Variants in BPTF observed in about 807,000 individuals in gnomAD.
The protein encoded by BPTF is bromodomain PHD finger transcription factor, also known as nucleosome-remodeling factor subunit BPTF.
BPTF carries 18 observed loss-of-function variants against 292.5 expected under a neutral mutation model. The observed-to-expected ratio is 0.06, with a 90% CI of 0.04 to 0.09. BPTF has a LOEUF of 0.09. Among genes scored for constraint, BPTF ranks in the 10% least tolerant of loss-of-function variants. BPTF has a pLI of 1.00. For missense variants in BPTF, 2,726 were observed against 3,498.7 expected (o/e 0.78, Z 5.57); for synonymous variants, 1,225 against 1,251.9 (o/e 0.98, Z 0.45).
rs1555697115 is a variant in BPTF, at chr17:67,982,354, A to C, written c.*66A>C. On this transcript the variant is annotated 3_prime_UTR_variant, in exon 28 of 28. Transcript: ENST00000306378. ...TGGTTGTCTGAACTATTTTAAATTAAGGAGCCAGATGTTTTTAGTCAGGCT... is the reference window on the plus strand; with the variant it reads ...TGGTTGTCTGAACTATTTTAAATTACGGAGCCAGATGTTTTTAGTCAGGCT... The C allele has an allele frequency of 6.8e-7, 1 of 1,462,524 alleles. No homozygotes were observed. The highest frequency in any genetic ancestry group is 1.2e-5 in the South Asian group (1 of 85,914). The allele number at this position is 1,462,524 out of a possible 1,614,324, so 90.6% of individuals were successfully genotyped here.
chr17:67,937,107 A>G (rs1037223050), intron 18 of BPTF, among the ~76,000 whole-genome samples: 3 of 152,180 alleles, frequency 2.0e-5, no homozygotes, highest in Non-Finnish European at 4.4e-5. Flanking sequence ...TTATACATAT[A>G]TTTAAATATA....
rs776598623 is a variant in BPTF, at chr17:67,912,338, C to T, written c.4454C>T (p.Ser1485Leu). ...FNERNSSETKSHLLSSSDAEG... is the reference protein window; with the variant it reads ...FNERNSSETKLHLLSSSDAEG... ...GAAAGAAACAGCTCCGAAACAAAATCGCATTTGCTGAGTTCTTCAGATGCT... is the reference window on the plus strand; with the variant it reads ...GAAAGAAACAGCTCCGAAACAAAATTGCATTTGCTGAGTTCTTCAGATGCT... Residue 1485 changes from serine to leucine, a missense_variant, in exon 11 of 28, where the codon TCG (serine) becomes TTG (leucine). Ser to Leu is a moderately radical substitution (Grantham distance 145). Transcript: ENST00000306378. 3.1e-6 allele frequency: 5 copies of T among 1,613,684 alleles called. No individual in the cohort carries two copies. Among genetic ancestry groups the T allele is most frequent in the East Asian group, 2.2e-5 (1 of 44,888 alleles).
At chr17:67,927,907 A>T (rs1229778979) in intron 15 of BPTF, among the ~76,000 whole-genome samples, 3 of 150,602 alleles carry the variant, frequency 2.0e-5, no homozygotes, top group African/African-American at 7.3e-5. Context: ...TTTTTTAGAG[A>T]TGGAGTCACT....
At chr17:67,949,684 CATACAT>C (rs2066122643) in intron 23 of BPTF, among the ~76,000 whole-genome samples, 2 of 148,422 alleles carry the variant, frequency 1.3e-5, no homozygotes, top group African/African-American at 5.0e-5. Context: ...TACACACAGA[CATACAT>C]ATATATATAC....
At chr17:67,848,947 T>C (rs2058221261) in intron 1 of BPTF, among the ~76,000 whole-genome samples, 1 of 152,246 alleles carries the variant, frequency 6.6e-6, no homozygotes, top group South Asian at 2.1e-4. Flanking sequence ...TTCTTCAGAA[T>C]TCATGCAGAC....
intron 13 of BPTF, 97 bp downstream of exon 13, chr17:67,920,240 TA>T: frequency 2.2e-6 from 3 of 1,376,640 alleles, no homozygotes; most frequent in Non-Finnish European, 3.0e-6. Flanking sequence ...GTTCACCTTT[TA>T]AAAAAGACAT....
In BPTF at chr17:67,915,391, C is replaced by G. The variant is rs149767924; in HGVS notation, c.5303+2204C>G. Among the ~76,000 whole-genome samples, 350 of 152,348 alleles carry G rather than the reference C, an allele frequency of 2.3e-3. 2 individuals carry two copies. The highest frequency in any genetic ancestry group is 7.9e-3 in the African/African-American group (328 of 41,582). Reference sequence around the variant, plus strand: ...AGCAAGGAGCGGGGAAAGCATTTGTCACCTGTAGATCACATTCATGGAAAG... The same window carrying G: ...AGCAAGGAGCGGGGAAAGCATTTGTGACCTGTAGATCACATTCATGGAAAG... On this transcript the variant is annotated intron_variant, in intron 11 of 27. Transcript: ENST00000306378.
At chr17:67,940,714 A>G in intron 19 of BPTF, 58 bp downstream of exon 19, 1 of 1,534,120 alleles carries the variant, frequency 6.5e-7, no homozygotes, top group Middle Eastern at 1.7e-4. Context: ...TCTTGCGGTA[A>G]GTTTAAAAAC....
intron 1 of BPTF, among the ~76,000 whole-genome samples, chr17:67,832,582 G>A (rs1360847604): frequency 6.6e-6 from 1 of 151,994 alleles, no homozygotes; most frequent in Non-Finnish European, 1.5e-5. Context: ...ACTGTAAAAT[G>A]TACCCTTGTA....
At chr17:67,942,196 A>T (rs1277973032) in intron 19 of BPTF, among the ~76,000 whole-genome samples, 1 of 152,078 alleles carries the variant, frequency 6.6e-6, no homozygotes, top group Non-Finnish European at 1.5e-5. Context: ...TACGCCTGTA[A>T]TCCCAGCTGC....
At chr17:67,896,668 A>C (rs115147254) in intron 7 of BPTF, among the ~76,000 whole-genome samples, 55 of 152,384 alleles carry the variant, frequency 3.6e-4, no homozygotes, top group African/African-American at 1.3e-3. Flanking sequence ...GGCAAGGGCT[A>C]TATGCTTGAA....
At chr17:67,924,619 C>T (rs2063717960) in intron 15 of BPTF, 30 bp downstream of exon 15, 1 of 1,604,048 alleles carries the variant, frequency 6.2e-7, no homozygotes, top group Non-Finnish European at 8.5e-7. Flanking sequence ...CAGAGGACAT[C>T]AAGGCCCAAA....
At chr17:67,864,378 T>C (rs1231901480) in intron 2 of BPTF, among the ~76,000 whole-genome samples, 2 of 151,720 alleles carry the variant, frequency 1.3e-5, no homozygotes, top group African/African-American at 4.8e-5. Context: ...AATACAAAAA[T>C]TAGCTGGGCG....
At chr17:67,858,250 AT>A (rs2058837512) in intron 2 of BPTF, among the ~76,000 whole-genome samples, 1 of 152,208 alleles carries the variant, frequency 6.6e-6, no homozygotes, top group Admixed American at 6.5e-5. Flanking sequence ...TGTGTAAAAT[AT>A]GTGTAACTTT....
At chr17:67,883,398 G>A (rs1181909252) in intron 4 of BPTF, among the ~76,000 whole-genome samples, 3 of 152,134 alleles carry the variant, frequency 2.0e-5, no homozygotes, top group South Asian at 4.1e-4. Context: ...AATTTTTAGG[G>A]ATTGTATTTC....
At chr17:67,879,606 AAG>A (rs1358878623) in intron 4 of BPTF, among the ~76,000 whole-genome samples, 1 of 152,178 alleles carries the variant, frequency 6.6e-6, no homozygotes, top group Non-Finnish European at 1.5e-5. Context: ...TATTTAAAAA[AAG>A]AGATTTCTTT....
chr17:67,850,901 C>T (rs1044288550), intron 1 of BPTF, among the ~76,000 whole-genome samples: 1 of 152,110 alleles, frequency 6.6e-6, no homozygotes, highest in African/African-American at 2.4e-5. Context: ...GACACACACA[C>T]AATACCTTTA....
At chr17:67,926,491 A>AT (rs2063913333) in intron 15 of BPTF, among the ~76,000 whole-genome samples, 1 of 150,716 alleles carries the variant, frequency 6.6e-6, no homozygotes, top group Admixed American at 6.6e-5. Flanking sequence ...CGCCTGGCTA[A>AT]TTTTTTGTAT....
At chr17:67,895,483 ACACAGGATCT>A (rs2061382939) in intron 7 of BPTF, among the ~76,000 whole-genome samples, 2 of 109,048 alleles carry the variant, frequency 1.8e-5, no homozygotes, top group African/African-American at 7.5e-5. Context: ...TTTTTTTTTG[ACACAGGATCT>A]CACTGTCACC....
Sources: allele counts gnomAD v4.1 joint callset (sites outside exome capture counted in the v4.1 genomes callset), GRCh38; gene constraint gnomAD v4.1.1; transcripts MANE v1.5; gene names NCBI Gene and HGNC (gene_info 2026-07-23, HGNC 2026-07-21).